Variants in MYH7B observed in about 807,000 individuals in gnomAD.
The protein encoded by MYH7B is myosin heavy chain 7B, also known as myosin-7B.
Under a neutral mutation model 234.5 loss-of-function variants are expected in MYH7B, and 205 were observed. The ratio of observed to expected loss-of-function variants is 0.87; its 90% CI spans 0.78 to 0.98. MYH7B has a LOEUF of 0.98. Ranked by LOEUF, MYH7B falls within the 50% of genes least tolerant of loss-of-function variation. The pLI is 0.00. For synonymous variants in MYH7B, 1,193 were observed against 1,105.0 expected (o/e 1.08, Z -1.58); for missense variants, 2,652 against 2,633.4 (o/e 1.01, Z -0.15).
intron 27 of MYH7B, 79 bp downstream of exon 27, chr20:34,994,480 A>ACC: frequency 1.4e-6 from 2 of 1,448,324 alleles, no homozygotes; most frequent in Non-Finnish European, 1.8e-6. Context: ...GTACAGCGAG[A>ACC]CCCATGGGGC....
At chr20:34,984,064 C>G (rs993809819) in intron 10 of MYH7B, among the ~76,000 whole-genome samples, 1 of 152,204 alleles carries the variant, frequency 6.6e-6, no homozygotes, top group African/African-American at 2.4e-5. Context: ...CCTGCCCTGC[C>G]GCTCCTGACT....
chr20:34,996,816 C>T (rs2082268677), intron 30 of MYH7B, 58 bp downstream of exon 30: 1 of 1,566,482 alleles, frequency 6.4e-7, no homozygotes. Context: ...GCCCTTGTTC[C>T]CTTCTGGATT....
At chr20:34,982,620 C>G (rs1271069951) in intron 10 of MYH7B, 65 bp downstream of exon 10, 8 of 1,325,376 alleles carry the variant, frequency 6.0e-6, no homozygotes, top group Non-Finnish European at 8.2e-6. Context: ...CTTTCTTCCT[C>G]TCTTTTTTTT....
chr20:34,995,437 G>A (rs2082237273), exon 28 of MYH7B: 3 of 1,613,728 alleles, frequency 1.9e-6, no homozygotes, highest in African/African-American at 1.3e-5. Flanking sequence ...AGCGGCTGGA[G>A]GATGAGGAGG....
chr20:34,976,195 C>T (rs1275427720), intron 3 of MYH7B, among the ~76,000 whole-genome samples: 2 of 152,344 alleles, frequency 1.3e-5, no homozygotes, highest in Non-Finnish European at 2.9e-5. Context: ...TACCCTCCCT[C>T]AGAGGACCAC....
At chr20:34,969,833 C>T (rs961310311) in intron 2 of MYH7B, among the ~76,000 whole-genome samples, 1 of 152,078 alleles carries the variant, frequency 6.6e-6, no homozygotes, top group African/African-American at 2.4e-5. Context: ...GTGTGAGCCA[C>T]CGTACCCGGC....
chr20:34,985,407 G>A (rs2082002543), intron 13 of MYH7B, among the ~76,000 whole-genome samples: 1 of 152,084 alleles, frequency 6.6e-6, no homozygotes, highest in Admixed American at 6.5e-5. Context: ...CCTGAGGATG[G>A]AGACCCAAAT....
At chr20:34,963,053 G>A (rs948272189) in intron 2 of MYH7B, among the ~76,000 whole-genome samples, 3 of 152,176 alleles carry the variant, frequency 2.0e-5, no homozygotes, top group Non-Finnish European at 2.9e-5. Flanking sequence ...AGCTGAGATC[G>A]CGACACTGCA....
At chr20:34,968,577 A>C (rs1392490394) in intron 2 of MYH7B, among the ~76,000 whole-genome samples, 1 of 151,704 alleles carries the variant, frequency 6.6e-6, no homozygotes, top group Non-Finnish European at 1.5e-5. Context: ...TCTCCCTTAC[A>C]CTCGGCTAAG....
chr20:34,971,634 C>G (rs1354163208), intron 2 of MYH7B, among the ~76,000 whole-genome samples: 1 of 152,162 alleles, frequency 6.6e-6, no homozygotes, highest in Non-Finnish European at 1.5e-5. Context: ...GGCCTCACCA[C>G]CTTGCACTGG....
exon 5 of MYH7B, chr20:34,978,048 C>T (rs774654828): frequency 2.4e-5 from 38 of 1,613,994 alleles, no homozygotes; most frequent in South Asian, 1.1e-4. Flanking sequence ...CCGCTACCTC[C>T]GCCAGGGCTA....
At chr20:34,998,390 C>G (rs3746436) in exon 33 of MYH7B, 8 of 1,613,228 alleles carry the variant, frequency 5.0e-6, no homozygotes, top group African/African-American at 1.3e-5. Flanking sequence ...CGGACGCAAG[C>G]ACGCAGCGTG....
intron 2 of MYH7B, among the ~76,000 whole-genome samples, chr20:34,964,696 A>C (rs779873136): frequency 6.6e-6 from 1 of 152,204 alleles, no homozygotes; most frequent in Non-Finnish European, 1.5e-5. Context: ...AGACAGGAGG[A>C]TCACTTGAGA....
intron 22 of MYH7B, 123 bp downstream of exon 22, chr20:34,990,433 C>A: frequency 9.6e-7 from 1 of 1,045,012 alleles, no homozygotes; most frequent in South Asian, 1.3e-5. Flanking sequence ...ATGTTTAACT[C>A]CTCTCCACGT....
intron 22 of MYH7B, 82 bp from the exon 23 acceptor site, chr20:34,990,656 C>T (rs954193741): frequency 3.9e-5 from 52 of 1,322,550 alleles, no homozygotes; most frequent in South Asian, 3.2e-4. Flanking sequence ...GCCCTGCTCC[C>T]GTCTCGGTCC....
In MYH7B at chr20:34,987,197, T is replaced by C. The variant is rs1263015282; in HGVS notation, c.1057T>C (p.Tyr353His). The change falls in exon 16 of 45, where the codon TAT becomes CAT. Residue 353 changes from tyrosine to histidine, a missense_variant. Transcript: ENST00000262873. ...CAGCGTGGATGAGAAATGTGCCTGC[T>C]ATAAGATCGTGGGCGCCCTCCTGCA... The C allele has an allele frequency of 1.6e-5, 26 of 1,613,038 alleles. No homozygotes were observed. The highest frequency in any genetic ancestry group is 2.2e-5 in the Non-Finnish European group (26 of 1,180,000).
At chr20:34,994,437 A>T in intron 27 of MYH7B, 36 bp downstream of exon 27, 1 of 1,535,068 alleles carries the variant, frequency 6.5e-7, no homozygotes, top group Non-Finnish European at 8.8e-7. Flanking sequence ...GGGCGTCCCC[A>T]GCCCCGAGTA....
At chr20:34,970,709 G>A (rs1451395299) in intron 2 of MYH7B, among the ~76,000 whole-genome samples, 2 of 152,222 alleles carry the variant, frequency 1.3e-5, no homozygotes, top group African/African-American at 4.8e-5. Context: ...TCTAAGCAGT[G>A]AGGCCCACTC....
In MYH7B at chr20:34,989,672, A is replaced by G. The variant is rs2082102245; in HGVS notation, c.1588-68A>G. ...TCCCAGAAGGGAGGTGGCCTGGGGA[A>G]CCAGGGGTTCAGTCCTTCCAGGATG... On this transcript the variant is annotated intron_variant, in intron 19 of 44. Coordinates refer to ENST00000262873, the Ensembl canonical transcript of MYH7B. The G allele has an allele frequency of 3.4e-6, 5 of 1,479,058 alleles. No individual in the cohort carries two copies. The South Asian group carries it at 4.0e-5, about 12-fold the overall frequency. The allele number at this position is 1,479,058 out of a possible 1,614,324, so 91.6% of individuals were successfully genotyped here. A position where few individuals can be genotyped will look rare whatever the true frequency, so the allele number is the denominator to read the frequency against.
Sources: gnomAD v4.1 joint callset for allele counts (sites outside exome capture counted in the v4.1 genomes callset) on GRCh38, gnomAD v4.1.1 for gene constraint, MANE v1.5 for transcripts, NCBI Gene and HGNC (gene_info 2026-07-23, HGNC 2026-07-21) for gene names.